HS3ST3A1: variants seen among roughly 807,000 people sequenced by gnomAD.
HS3ST3A1 encodes the protein heparan sulfate-glucosamine 3-sulfotransferase 3A1, also known as heparan sulfate glucosamine 3-O-sulfotransferase 3A1.
A neutral mutation model predicts 25.7 loss-of-function variants in HS3ST3A1; 19 were observed. The observed-to-expected ratio is 0.74, with a 90% CI of 0.52 to 1.08. The LOEUF (loss-of-function observed/expected upper bound fraction) is 1.08. Among genes scored for constraint, HS3ST3A1 ranks in the 50% least tolerant of loss-of-function variants. The probability of loss-of-function intolerance (pLI) is 0.00; values close to 1 mark genes in which losing one functional copy is unlikely to be tolerated. For synonymous variants in HS3ST3A1, 226 were observed against 278.6 expected (o/e 0.81, Z 1.88); for missense variants, 459 against 594.3 (o/e 0.77, Z 2.37).
chr17:13,560,289 CAAAAAAAAAAAAA>C lies in HS3ST3A1; in HGVS notation c.599+40229_599+40241del, dbSNP rs10632927. Among the ~76,000 whole-genome samples the C allele has an allele frequency of 2.0e-3, 34 of 17,382 alleles. No individual in the cohort carries two copies. The South Asian group carries it at 0.024, about 12-fold the overall frequency. The allele number at this position is 17,382 out of a possible 152,430, so 11.4% of individuals were successfully genotyped here. ...TGGGCAACAGAGGGACACTCGTCTC[CAAAAAAAAAAAAA>C]AAAAAAAAAAAAAAAAAGTGTATTA... On this transcript the variant is annotated intron_variant, in intron 1 of 1. Transcript: ENST00000284110.
intron 1 of HS3ST3A1, among the ~76,000 whole-genome samples, chr17:13,554,508 C>T (rs1333864421): frequency 1.3e-5 from 2 of 152,184 alleles, no homozygotes; most frequent in African/African-American, 4.8e-5. Context: ...AGGCCCTGTG[C>T]GGTGCTGATA....
chr17:13,499,256 T>C (rs1173562254), intron 1 of HS3ST3A1, among the ~76,000 whole-genome samples: 1 of 152,184 alleles, frequency 6.6e-6, no homozygotes, highest in Non-Finnish European at 1.5e-5. Flanking sequence ...TGACTCCTTC[T>C]GTGGAACTGA....
chr17:13,542,170 A>T (rs1430733890), intron 1 of HS3ST3A1, among the ~76,000 whole-genome samples: 2 of 152,096 alleles, frequency 1.3e-5, no homozygotes, highest in Non-Finnish European at 2.9e-5. Context: ...CCTATAAAAA[A>T]TACAAAAATA....
intron 1 of HS3ST3A1, among the ~76,000 whole-genome samples, chr17:13,514,390 T>C (rs191927103): frequency 9.1e-4 from 138 of 152,320 alleles, no homozygotes; most frequent in African/African-American, 3.2e-3. Flanking sequence ...TTTTATTTAT[T>C]TTTAAATTCA....
In HS3ST3A1 at chr17:13,557,589, G is replaced by A. The variant is rs4792372; in HGVS notation, c.599+42942C>T. Among the ~76,000 whole-genome samples the A allele has an allele frequency of 3.8e-3, 583 of 152,254 alleles. 6 individuals are homozygous for A. Among genetic ancestry groups the A allele is most frequent in the African/African-American group, 0.013 (551 of 41,564 alleles). ...AAGAATAAAGAATAGTAAGAATAAA[G>A]ACAGGTTAAGAAGCAGCTACTTAAG... On this transcript the variant is annotated intron_variant, in intron 1 of 1. Coordinates refer to ENST00000284110, the MANE Select transcript of HS3ST3A1 (RefSeq NM_006042.3).
intron 1 of HS3ST3A1, among the ~76,000 whole-genome samples, chr17:13,589,415 C>A (rs1390631808): frequency 6.6e-6 from 1 of 152,150 alleles, no homozygotes; most frequent in Non-Finnish European, 1.5e-5. Context: ...AAATATAAAA[C>A]AGATCCAATC....
chr17:13,579,238 T>C (rs777000014), intron 1 of HS3ST3A1, among the ~76,000 whole-genome samples: 64 of 152,352 alleles, frequency 4.2e-4, no homozygotes, highest in Non-Finnish European at 6.8e-4. Flanking sequence ...ATGTATCAAA[T>C]GTTCATAGCC....
At chr17:13,547,311 T>G (rs2142352060) in intron 1 of HS3ST3A1, among the ~76,000 whole-genome samples, 1 of 152,284 alleles carries the variant, frequency 6.6e-6, no homozygotes, top group Admixed American at 6.5e-5. Flanking sequence ...GTAAATGTGA[T>G]GACTGATGGT....
chr17:13,526,475 TA>T (rs1372685504), intron 1 of HS3ST3A1, among the ~76,000 whole-genome samples: 544 of 16,098 alleles, frequency 0.034, 13 homozygotes, highest in African/African-American at 0.11. Context: ...CTTTAATTTT[TA>T]TATATATATA....
intron 1 of HS3ST3A1, among the ~76,000 whole-genome samples, chr17:13,530,741 A>G (rs1022279636): frequency 3.9e-4 from 60 of 152,290 alleles, no homozygotes; most frequent in Non-Finnish European, 7.4e-5. Flanking sequence ...AGTCAGCACA[A>G]GTCACAGTCA....
intron 1 of HS3ST3A1, among the ~76,000 whole-genome samples, chr17:13,540,506 A>G: frequency 6.6e-6 from 1 of 152,186 alleles, no homozygotes; most frequent in Admixed American, 6.5e-5. Flanking sequence ...CAATTGATAA[A>G]ATGTACCTTT....
At chr17:13,519,424 G>A (rs969224431) in intron 1 of HS3ST3A1, among the ~76,000 whole-genome samples, 2 of 152,128 alleles carry the variant, frequency 1.3e-5, no homozygotes, top group Non-Finnish European at 2.9e-5. Context: ...GATGCTGGGG[G>A]TGAGATCATT....
intron 1 of HS3ST3A1, among the ~76,000 whole-genome samples, chr17:13,512,940 T>A (rs1905925619): frequency 6.6e-6 from 1 of 152,228 alleles, no homozygotes; most frequent in East Asian, 1.9e-4. Flanking sequence ...AATAGATTTA[T>A]ATATTTTTTC....
chr17:13,531,425 T>C (rs565060731), intron 1 of HS3ST3A1, among the ~76,000 whole-genome samples: 23 of 152,248 alleles, frequency 1.5e-4, no homozygotes, highest in African/African-American at 5.5e-4. Context: ...CACATCCCGA[T>C]ATCTGAGTGA....
At chr17:13,561,169 G>A (rs1236950926) in intron 1 of HS3ST3A1, among the ~76,000 whole-genome samples, 1 of 152,088 alleles carries the variant, frequency 6.6e-6, no homozygotes, top group Non-Finnish European at 1.5e-5. Flanking sequence ...AAGGATGCTG[G>A]TATTTACAAG....
At chr17:13,527,868 A>G (rs1303656596) in intron 1 of HS3ST3A1, among the ~76,000 whole-genome samples, 1 of 152,184 alleles carries the variant, frequency 6.6e-6, no homozygotes, top group Non-Finnish European at 1.5e-5. Context: ...TAAAGTGTCA[A>G]TATTCTTGGT....
In HS3ST3A1 at chr17:13,585,186, C is replaced by CTTTTTTTT. The variant is rs71144977; in HGVS notation, c.599+15337_599+15344dup. On this transcript the variant is annotated intron_variant, in intron 1 of 1. Transcript: ENST00000284110. The stretch of plus-strand genomic sequence containing the variant: ...CAATCTAAATACTCATTTTTCTGTG[C>CTTTTTTTT]TTTTTTTTTTTTTTTTTTTTTTTTT... 5.2e-3 allele frequency among the ~76,000 whole-genome samples: 173 copies of CTTTTTTTT among 33,248 alleles called. 39 individuals carry two copies. Among genetic ancestry groups the CTTTTTTTT allele is most frequent in the African/African-American group, 7.1e-3 (60 of 8,480 alleles). The allele number at this position is 33,248 out of a possible 152,430, so 21.8% of individuals were successfully genotyped here. A position where few individuals can be genotyped will look rare whatever the true frequency, so the allele number is the denominator to read the frequency against.
At position 13,494,604 on chromosome 17, in the gene HS3ST3A1, A is replaced by G. The variant is rs1209351160; in HGVS notation, c.*1593T>C. 6.6e-6 allele frequency among the ~76,000 whole-genome samples: 1 copy of G among 152,230 alleles called. No homozygotes were observed. The highest frequency in any genetic ancestry group is 1.5e-5 in the Non-Finnish European group (1 of 68,038). ...ATTTTGGCAGATAAAGAAAACTTCC[A>G]TGAAATAGAAGACATTTTTCCTCTT... On this transcript the variant is annotated 3_prime_UTR_variant, in exon 2 of 2. Transcript: ENST00000284110.
rs955765356 is a variant in HS3ST3A1 at position 13,561,510 on chromosome 17, C to T, written c.599+39021G>A. On this transcript the variant is annotated intron_variant, in intron 1 of 1. Transcript: ENST00000284110. The stretch of plus-strand genomic sequence containing the variant: ...TAAGCGATTCTCCTGCCTCAGCCTC[C>T]CAAGGAGCTGGGATTTGGGATTACA... 7.9e-5 allele frequency among the ~76,000 whole-genome samples: 12 copies of T among 152,078 alleles called. No individual in the cohort carries two copies. In the South Asian group the frequency reaches 2.5e-3, roughly 32 times the overall value.
Sources: allele counts gnomAD v4.1 joint callset (sites outside exome capture counted in the v4.1 genomes callset), GRCh38; gene constraint gnomAD v4.1.1; transcripts MANE v1.5; gene names NCBI Gene and HGNC (gene_info 2026-07-23, HGNC 2026-07-21).